The following SGCZ variants were observed in gnomAD, a reference collection of about 807,000 sequenced individuals.
SGCZ encodes the protein sarcoglycan zeta, also known as zeta-sarcoglycan.
In SGCZ, 40 loss-of-function variants were observed where a neutral mutation model predicts 41.3. The observed-to-expected ratio is 0.97, with a 90% confidence interval of 0.75 to 1.26. SGCZ has a LOEUF of 1.26. Among genes scored for constraint, SGCZ ranks in the 50% most tolerant of loss-of-function variants. The pLI is 0.00. For missense variants in SGCZ, 552 were observed against 369.8 expected (o/e 1.49, Z -4.04); for synonymous variants, 206 against 137.5 (o/e 1.50, Z -3.49).
intron 3 of SGCZ, among the ~76,000 whole-genome samples, chr8:14,244,609 G>GT (rs569669045): frequency 0.013 from 1,943 of 151,582 alleles, 27 homozygotes; most frequent in African/African-American, 0.033. Flanking sequence ...CTTTAAAGTA[G>GT]TTTTTTCCAA....
At chr8:14,278,441 A>C (rs961545386) in intron 3 of SGCZ, among the ~76,000 whole-genome samples, 1 of 152,156 alleles carries the variant, frequency 6.6e-6, no homozygotes, top group African/African-American at 2.4e-5. Context: ...GTCAAATTAC[A>C]ACAAGCAAAG....
At chr8:14,535,410 T>A (rs947651129) in intron 2 of SGCZ, among the ~76,000 whole-genome samples, 1 of 151,748 alleles carries the variant, frequency 6.6e-6, no homozygotes, top group African/African-American at 2.4e-5. Flanking sequence ...TGGGCCATAA[T>A]AAGAAAAAAG....
chr8:15,077,685 C>T (rs1431168959), intron 1 of SGCZ, among the ~76,000 whole-genome samples: 1 of 152,130 alleles, frequency 6.6e-6, no homozygotes, highest in Non-Finnish European at 1.5e-5. Flanking sequence ...TATCTTACTC[C>T]CTCTGCTGGG....
chr8:14,149,676 T>C (rs1408171061), intron 5 of SGCZ, among the ~76,000 whole-genome samples: 3 of 138,724 alleles, frequency 2.2e-5, no homozygotes, highest in South Asian at 2.3e-4. Context: ...AAAAACACAA[T>C]CCTAAACTTT....
intron 3 of SGCZ, among the ~76,000 whole-genome samples, chr8:14,242,307 T>C (rs1027285342): frequency 1.3e-5 from 2 of 152,184 alleles, no homozygotes; most frequent in Non-Finnish European, 2.9e-5. Context: ...CCTTAATCAA[T>C]GCCAGATACT....
At chr8:14,102,342 G>C (rs368028771) in intron 7 of SGCZ, 34 bp downstream of exon 7, 7 of 1,422,102 alleles carry the variant, frequency 4.9e-6, no homozygotes, top group Non-Finnish European at 5.6e-6. Context: ...AAAGTGGGCA[G>C]TATAGGGCGA....
intron 2 of SGCZ, among the ~76,000 whole-genome samples, chr8:14,407,220 C>A (rs534841139): frequency 6.6e-6 from 1 of 152,048 alleles, no homozygotes; most frequent in South Asian, 2.1e-4. Context: ...AGGTGTGTGC[C>A]ACCATGCCCA....
In SGCZ at chr8:14,274,337, A is replaced by C. The variant is rs190987741; in HGVS notation, c.337-36658T>G. 2.0e-5 allele frequency among the ~76,000 whole-genome samples: 3 copies of C among 152,264 alleles called. No individual in the cohort carries two copies. In the East Asian group the frequency reaches 5.8e-4, roughly 29 times the overall value. ...CAATCTTTTAGCACTGTTAAGGTTT[A>C]TTATTAACGCTGCACTTATTAAGGA... On this transcript the variant is annotated intron_variant, in intron 3 of 7. Coordinates refer to ENST00000382080, the MANE Select transcript of SGCZ (RefSeq NM_139167.4).
At chr8:14,416,238 A>G (rs1278368789) in intron 2 of SGCZ, among the ~76,000 whole-genome samples, 1 of 151,974 alleles carries the variant, frequency 6.6e-6, no homozygotes, top group East Asian at 1.9e-4. Flanking sequence ...TAAGGCAGAC[A>G]TTTCCTATAA....
At chr8:14,534,760 C>A (rs1803244399) in intron 2 of SGCZ, among the ~76,000 whole-genome samples, 1 of 151,914 alleles carries the variant, frequency 6.6e-6, no homozygotes, top group African/African-American at 2.4e-5. Flanking sequence ...ACTTTTATGT[C>A]TTTTTCAATA....
rs377185020 is a variant in SGCZ at position 14,930,539 on chromosome 8, A to T, written c.39+307046T>A. 1.1e-4 allele frequency among the ~76,000 whole-genome samples: 16 copies of T among 152,178 alleles called. No individual in the cohort carries two copies. The South Asian group carries it at 3.3e-3, about 31-fold the overall frequency. ...CTACTATAAAGACACATGCCCATGT[A>T]TGTTTCTTGCAGCACTGTTCACAAT... is the stretch of plus-strand genomic sequence containing the variant. On this transcript the variant is annotated intron_variant, in intron 1 of 7. Coordinates refer to ENST00000382080, the MANE Select transcript of SGCZ (RefSeq NM_139167.4).
At chr8:14,113,614 A>G (rs546675939) in intron 5 of SGCZ, among the ~76,000 whole-genome samples, 1 of 152,180 alleles carries the variant, frequency 6.6e-6, no homozygotes, top group East Asian at 1.9e-4. Context: ...GAACCCGGGA[A>G]GTATACTGAG....
chr8:14,213,935 CTT>C (rs1805904314), intron 4 of SGCZ, among the ~76,000 whole-genome samples: 1 of 152,014 alleles, frequency 6.6e-6, no homozygotes, highest in Non-Finnish European at 1.5e-5. Context: ...GGTGGAAAAA[CTT>C]AACTCCCAGC....
intron 1 of SGCZ, among the ~76,000 whole-genome samples, chr8:14,819,287 TCA>T (rs1802000693): frequency 6.6e-6 from 1 of 152,184 alleles, no homozygotes; most frequent in African/African-American, 2.4e-5. Context: ...GAGAATTCTC[TCA>T]GATTTAACTT....
At chr8:14,107,780 A>C (rs1185515614) in intron 6 of SGCZ, among the ~76,000 whole-genome samples, 2 of 152,018 alleles carry the variant, frequency 1.3e-5, no homozygotes, top group Non-Finnish European at 2.9e-5. Context: ...CTTGGACTAC[A>C]CATGTGCACC....
intron 1 of SGCZ, among the ~76,000 whole-genome samples, chr8:15,050,902 A>T (rs1804487793): frequency 6.6e-6 from 1 of 151,992 alleles, no homozygotes; most frequent in African/African-American, 2.4e-5. Flanking sequence ...GCACCACAAC[A>T]TTTTCTTTTT....
intron 1 of SGCZ, among the ~76,000 whole-genome samples, chr8:14,989,201 G>C (rs2130891182): frequency 6.6e-6 from 1 of 152,228 alleles, no homozygotes; most frequent in East Asian, 1.9e-4. Context: ...AAAATTATTA[G>C]GGAACACATA....
intron 4 of SGCZ, among the ~76,000 whole-genome samples, chr8:14,168,302 AC>A (rs1454101465): frequency 6.6e-6 from 1 of 152,084 alleles, no homozygotes; most frequent in African/African-American, 2.4e-5. Flanking sequence ...TTAAAACAAA[AC>A]AAAATAAGCT....
At chr8:14,649,763 G>A (rs185083956) in intron 1 of SGCZ, among the ~76,000 whole-genome samples, 63 of 152,120 alleles carry the variant, frequency 4.1e-4, no homozygotes, top group Non-Finnish European at 7.8e-4. Context: ...GCTGGCTAGT[G>A]CTTCTTTTCC....
Sources: allele counts gnomAD v4.1 joint callset (sites outside exome capture counted in the v4.1 genomes callset), GRCh38; gene constraint gnomAD v4.1.1; transcripts MANE v1.5; gene names NCBI Gene and HGNC (gene_info 2026-07-23, HGNC 2026-07-21).